Variants in CDH12 observed in about 807,000 individuals in gnomAD.
CDH12 encodes cadherin 12, also known as cadherin-12.
Under a neutral mutation model 74.1 loss-of-function variants are expected in CDH12, and 41 were observed. The observed-to-expected ratio is 0.55, with a 90% CI of 0.43 to 0.72. CDH12 has a LOEUF of 0.72. CDH12 is among the 30% of genes least tolerant of loss of function. The pLI is 0.00. For missense variants in CDH12, 945 were observed against 977.2 expected (o/e 0.97, Z 0.44); for synonymous variants, 399 against 355.0 (o/e 1.12, Z -1.39).
intron 3 of CDH12, among the ~76,000 whole-genome samples, chr5:22,388,152 A>G (rs1742081887): frequency 6.6e-6 from 1 of 152,126 alleles, no homozygotes; most frequent in Admixed American, 6.5e-5. Context: ...ATACTTCCTG[A>G]AAATATTCTT....
chr5:22,056,909 A>AC (rs1740781709), intron 5 of CDH12, among the ~76,000 whole-genome samples: 1 of 151,178 alleles, frequency 6.6e-6, no homozygotes, highest in Non-Finnish European at 1.5e-5. Flanking sequence ...ACCTGCTGTT[A>AC]TTTTTTTTTA....
intron 2 of CDH12, among the ~76,000 whole-genome samples, chr5:22,416,669 A>C (rs1743406361): frequency 6.6e-6 from 1 of 152,052 alleles, no homozygotes; most frequent in Admixed American, 6.6e-5. Context: ...TAAAAAAAAT[A>C]AGATTAGTAT....
intron 3 of CDH12, among the ~76,000 whole-genome samples, chr5:22,389,209 C>A (rs894157227): frequency 3.3e-5 from 5 of 152,140 alleles, no homozygotes; most frequent in Non-Finnish European, 5.9e-5. Context: ...AAGTGATGAG[C>A]TTTTGGGGTG....
chr5:21,880,687 CTT>C (rs1314081161), intron 6 of CDH12, among the ~76,000 whole-genome samples: 1 of 106,724 alleles, frequency 9.4e-6, no homozygotes, highest in Non-Finnish European at 2.0e-5. Flanking sequence ...TTCTTTCTTT[CTT>C]TCTCTTTTCT....
rs527732282 is a variant in CDH12, at chr5:21,924,431, G to A, written c.526+50660C>T. Among the ~76,000 whole-genome samples, 18 of 152,218 alleles carry A rather than the reference G, an allele frequency of 1.2e-4. 1 individual carries two copies. The South Asian group carries it at 2.7e-3, about 23-fold the overall frequency. On this transcript the variant is annotated intron_variant, in intron 6 of 14. Transcript: ENST00000382254. ...CTTGGGAGGCTGAGGCAGGAGAATCGCCTCCACTCAGGAGGCGGAGGTTGC... is the reference window on the plus strand; with the variant it reads ...CTTGGGAGGCTGAGGCAGGAGAATCACCTCCACTCAGGAGGCGGAGGTTGC...
chr5:22,744,204 C>T (rs1191609139), intron 1 of CDH12, among the ~76,000 whole-genome samples: 2 of 151,894 alleles, frequency 1.3e-5, no homozygotes, highest in East Asian at 1.9e-4. Context: ...CCGAGACGGG[C>T]GGATCACGAG....
chr5:22,522,356 G>A (rs1737090105), intron 1 of CDH12, among the ~76,000 whole-genome samples: 1 of 152,088 alleles, frequency 6.6e-6, no homozygotes, highest in South Asian at 2.1e-4. Flanking sequence ...TTTTAAATTT[G>A]ACTCCAAAGC....
chr5:22,334,816 G>C (rs1739504555), intron 3 of CDH12, among the ~76,000 whole-genome samples: 1 of 152,074 alleles, frequency 6.6e-6, no homozygotes, highest in African/African-American at 2.4e-5. Flanking sequence ...AAAGAAACTA[G>C]ACCCTTCTCT....
chr5:22,285,392 A>C (rs1317791876), intron 3 of CDH12, among the ~76,000 whole-genome samples: 1 of 152,154 alleles, frequency 6.6e-6, no homozygotes, highest in Non-Finnish European at 1.5e-5. Flanking sequence ...GAGTGTCTAG[A>C]CATGGATAGA....
rs768945480 is a variant in CDH12 at position 22,452,880 on chromosome 5, C to CAAAAAAAAAAAAAAAAAAAAAAAAA, written c.-427-47530_-427-47529insTTTTTTTTTTTTTTTTTTTTTTTTT. 1.9e-4 allele frequency among the ~76,000 whole-genome samples: 6 copies of CAAAAAAAAAAAAAAAAAAAAAAAAA among 32,204 alleles called. 1 individual carries two copies. Among genetic ancestry groups the CAAAAAAAAAAAAAAAAAAAAAAAAA allele is most frequent in the East Asian group, 1.1e-3 (1 of 896 alleles). The allele number at this position is 32,204 out of a possible 152,430, so 21.1% of individuals were successfully genotyped here. ...ATAAGAAACTCAAACAACCTAAGAG[C>CAAAAAAAAAAAAAAAAAAAAAAAAA]AAAAAAAAAAAAAAAAAAAAAAAAT... is the stretch of plus-strand genomic sequence containing the variant. On this transcript the variant is annotated intron_variant, in intron 2 of 14. Coordinates refer to ENST00000382254, the MANE Select transcript of CDH12 (RefSeq NM_004061.5).
chr5:22,426,060 G>T (rs558033331), intron 2 of CDH12, among the ~76,000 whole-genome samples: 1 of 151,682 alleles, frequency 6.6e-6, no homozygotes, highest in African/African-American at 2.4e-5. Context: ...GGTGGCGGGC[G>T]CCTGTAGTTC....
chr5:21,883,275 A>T (rs1752453108), intron 6 of CDH12: 4 of 1,400,802 alleles, frequency 2.9e-6, no homozygotes, highest in Non-Finnish European at 4.1e-6. Flanking sequence ...TCCATACTTT[A>T]TTAATACATC....
intron 5 of CDH12, among the ~76,000 whole-genome samples, chr5:22,049,623 A>G (rs1228971432): frequency 6.6e-6 from 1 of 151,950 alleles, no homozygotes; most frequent in African/African-American, 2.4e-5. Flanking sequence ...CATTTCTTTC[A>G]TGTTTTAACA....
At chr5:21,991,151 A>G (rs991032024) in intron 5 of CDH12, among the ~76,000 whole-genome samples, 5 of 151,872 alleles carry the variant, frequency 3.3e-5, no homozygotes, top group Non-Finnish European at 7.4e-5. Context: ...TGTACTAGGT[A>G]CTAGAAAACA....
chr5:22,415,815 T>C (rs978922918), intron 2 of CDH12, among the ~76,000 whole-genome samples: 2 of 152,038 alleles, frequency 1.3e-5, no homozygotes, highest in Admixed American at 1.3e-4. Context: ...CCTAAAACAT[T>C]TGGCATTGGA....
Position 22,760,484 on chromosome 5 carries a change from G to T in CDH12, c.-523+92574C>A, listed in dbSNP as rs1433878498. Among the ~76,000 whole-genome samples, 3 of 151,968 alleles carry T rather than the reference G, an allele frequency of 2.0e-5. 1 individual carries two copies. Among genetic ancestry groups the T allele is most frequent in the Admixed American group, 1.3e-4 (2 of 15,260 alleles). ...TCAAAAGGTCAGGAGTTCGAGACCA[G>T]CCTGGCCAACATGATGAAACACCAT... On this transcript the variant is annotated intron_variant, in intron 1 of 14. Transcript: ENST00000382254.
intron 5 of CDH12, among the ~76,000 whole-genome samples, chr5:22,027,051 T>A (rs186141590): frequency 6.6e-6 from 1 of 152,204 alleles, no homozygotes; most frequent in Non-Finnish European, 1.5e-5. Flanking sequence ...CAAAGGCCTT[T>A]TCTGCATCTA....
At chr5:22,551,670 C>T (rs1324969842) in intron 1 of CDH12, among the ~76,000 whole-genome samples, 1 of 151,734 alleles carries the variant, frequency 6.6e-6, no homozygotes, top group Non-Finnish European at 1.5e-5. Flanking sequence ...TTGTGAGGGA[C>T]ACAGATAGTT....
At chr5:22,380,760 T>G (rs1344592817) in intron 3 of CDH12, among the ~76,000 whole-genome samples, 1 of 152,126 alleles carries the variant, frequency 6.6e-6, no homozygotes, top group Non-Finnish European at 1.5e-5. Flanking sequence ...TTGAAAATGT[T>G]TTAATAAGAA....
Sources: gnomAD v4.1 joint callset for allele counts (sites outside exome capture counted in the v4.1 genomes callset) on GRCh38, gnomAD v4.1.1 for gene constraint, MANE v1.5 for transcripts, NCBI Gene and HGNC (gene_info 2026-07-23, HGNC 2026-07-21) for gene names.